NPSR1: variants seen among roughly 807,000 people sequenced by gnomAD.
NPSR1 encodes the protein neuropeptide S receptor 1, also known as neuropeptide S receptor.
NPSR1 carries 48 observed loss-of-function variants against 46.9 expected under a neutral mutation model. That is an observed-to-expected ratio of 1.02 (90% CI 0.81 to 1.30). The LOEUF (loss-of-function observed/expected upper bound fraction) is 1.30, where lower values mean the gene tolerates loss of function less well. Among genes scored for constraint, NPSR1 ranks in the 50% most tolerant of loss-of-function variants. NPSR1 has a pLI of 0.00. For missense variants in NPSR1, 450 were observed against 449.5 expected, an observed-to-expected ratio of 1.00 and a Z score of -0.01; for synonymous variants, 176 against 168.1, an observed-to-expected ratio of 1.05 and a Z score of -0.36.
chr7:34,872,090 C>A (rs925891050), intron 8 of NPSR1, among the ~76,000 whole-genome samples: 1 of 151,980 alleles, frequency 6.6e-6, no homozygotes, highest in African/African-American at 2.4e-5. Context: ...GGGCACCAAG[C>A]TCTTCCATAA....
rs189676025 is a variant in NPSR1 at position 34,848,561 on chromosome 7, G to A, written c.923G>A (p.Arg308His). 5.0e-5 allele frequency: 80 copies of A among 1,614,128 alleles called. No homozygotes were observed. Among genetic ancestry groups the A allele is most frequent in the East Asian group, 3.8e-4 (17 of 44,886 alleles). Residue 308 changes from arginine to histidine, a missense_variant, in exon 8 of 9, where the codon CGT becomes CAT. Physicochemically the swap from Arg to His is conservative, Grantham distance 29. Transcript: ENST00000360581. ...AACCTCCTTCCAGACACCCAGGAGC[G>A]TTTCTATGCCTCTGTGATCATTCAG... ...NFNLLPDTQE[R>H]FYASVIIQNL...
chr7:34,795,479 C>T (rs1456552523), intron 3 of NPSR1, among the ~76,000 whole-genome samples: 1 of 152,006 alleles, frequency 6.6e-6, no homozygotes, highest in Non-Finnish European at 1.5e-5. Context: ...TAAAATGTTG[C>T]AGGTGACATG....
At chr7:34,681,159 G>T (rs1562647463) in intron 1 of NPSR1, among the ~76,000 whole-genome samples, 1 of 152,044 alleles carries the variant, frequency 6.6e-6, no homozygotes, top group African/African-American at 2.4e-5. Flanking sequence ...GTTCTGCCCT[G>T]CCTCCATCCC....
At chr7:34,728,457 T>C (rs1452326735) in intron 2 of NPSR1, among the ~76,000 whole-genome samples, 1 of 152,172 alleles carries the variant, frequency 6.6e-6, no homozygotes, top group African/African-American at 2.4e-5. Context: ...AGGCGTGCAG[T>C]GCCTCATCCC....
chr7:34,845,673 A>C lies in NPSR1; in HGVS notation c.844+691A>C, dbSNP rs556837835. ...TTCTACCTCACACTACAGGATATAGATTGATTTTCTTATAGTCTGTCTCCC... is the reference window on the plus strand; with the variant it reads ...TTCTACCTCACACTACAGGATATAGCTTGATTTTCTTATAGTCTGTCTCCC... On this transcript the variant is annotated intron_variant, in intron 7 of 8. Transcript: ENST00000360581. 44 of 439,362 alleles carry C rather than the reference A, an allele frequency of 1.0e-4. 1 individual carries two copies. The highest frequency in any genetic ancestry group is 6.9e-4 in the South Asian group (42 of 61,118). The allele number at this position is 439,362 out of a possible 1,614,324, so 27.2% of individuals were successfully genotyped here.
chr7:34,805,489 A>AAAC (rs1207259124), intron 3 of NPSR1, among the ~76,000 whole-genome samples: 1 of 151,264 alleles, frequency 6.6e-6, no homozygotes, highest in African/African-American at 2.4e-5. Context: ...CAAAAAAAAA[A>AAAC]AAAAAAAAAA....
chr7:34,773,033 C>T (rs1026885794), intron 2 of NPSR1, among the ~76,000 whole-genome samples: 2 of 152,052 alleles, frequency 1.3e-5, no homozygotes, highest in African/African-American at 2.4e-5. Flanking sequence ...TGACCAGGAC[C>T]TCCAAGTTGA....
intron 2 of NPSR1, among the ~76,000 whole-genome samples, chr7:34,694,184 C>G (rs2128691568): frequency 6.6e-6 from 1 of 152,052 alleles, no homozygotes; most frequent in South Asian, 2.1e-4. Context: ...GAAAGGAATC[C>G]ACACTAGAAA....
intron 5 of NPSR1, chr7:34,834,182 A>C (rs1790259197): frequency 1.7e-6 from 1 of 579,318 alleles, no homozygotes; most frequent in Non-Finnish European, 3.1e-6. Context: ...CTCCTCACTT[A>C]AGAAAGAAGT....
At chr7:34,850,165 G>T (rs1048233118), downstream of NPSR1, among the ~76,000 whole-genome samples, 2 of 152,328 alleles carry the variant, frequency 1.3e-5, no homozygotes, top group East Asian at 1.9e-4. Flanking sequence ...TTGGTGCTTT[G>T]CACCTCTTCT....
chr7:34,838,134 TC>T (rs1790438154), intron 6 of NPSR1, among the ~76,000 whole-genome samples: 1 of 151,894 alleles, frequency 6.6e-6, no homozygotes, highest in Non-Finnish European at 1.5e-5. Flanking sequence ...TCAGCATGCC[TC>T]CCCCCAGGGA....
At chr7:34,875,890 C>T (rs1791563784) in intron 8 of NPSR1, among the ~76,000 whole-genome samples, 1 of 152,118 alleles carries the variant, frequency 6.6e-6, no homozygotes, top group African/African-American at 2.4e-5. Flanking sequence ...CCATGCTTAG[C>T]CCAGTCCTGA....
At chr7:34,877,677 A>G (rs1370775916) in intron 8 of NPSR1, among the ~76,000 whole-genome samples, 1 of 152,198 alleles carries the variant, frequency 6.6e-6, no homozygotes, top group African/African-American at 2.4e-5. Flanking sequence ...GATATGGAAG[A>G]ACATGTTGGT....
rs547044146 is a variant in NPSR1 at position 34,732,511 on chromosome 7, T to C, written c.281-45951T>C. 2.5e-3 allele frequency among the ~76,000 whole-genome samples: 388 copies of C among 152,236 alleles called. 1 individual carries two copies. The highest frequency in any genetic ancestry group is 3.6e-3 in the Non-Finnish European group (244 of 67,996). On this transcript the variant is annotated intron_variant, in intron 2 of 8. Coordinates refer to ENST00000360581, the MANE Select transcript of NPSR1 (RefSeq NM_207172.2). The stretch of plus-strand genomic sequence containing the variant: ...CTTAGGAAAGCCACCCACTGCCAGC[T>C]TAAGATTCAGGGGAAGTTGAGATCA...
At chr7:34,780,457 G>A (rs916318052) in intron 3 of NPSR1, among the ~76,000 whole-genome samples, 1 of 152,158 alleles carries the variant, frequency 6.6e-6, no homozygotes, top group East Asian at 1.9e-4. Flanking sequence ...GATAGAGAAA[G>A]AAATTCTGAT....
rs149663215 is a variant in NPSR1 at position 34,658,465 on chromosome 7, C to T, written c.53C>T (p.Thr18Met). Residue 18 changes from threonine to methionine, a missense_variant, in exon 1 of 9, where the codon ACG (threonine) becomes ATG (methionine). Transcript: ENST00000360581. ...TTCGATTCCAGTGGGACCGGGCAGACGCTGGATTCTTCCCCAGTGGCTTGC... is the reference window on the plus strand; with the variant it reads ...TTCGATTCCAGTGGGACCGGGCAGATGCTGGATTCTTCCCCAGTGGCTTGC... ...GSFDSSGTGQ[T>M]LDSSPVACTE... The T allele has an allele frequency of 9.2e-5, 149 of 1,614,110 alleles. 1 individual carries two copies. Among genetic ancestry groups the T allele is most frequent in the African/African-American group, 3.3e-4 (25 of 75,038 alleles).
intron 3 of NPSR1, among the ~76,000 whole-genome samples, chr7:34,795,317 T>G (rs1788124531): frequency 6.6e-6 from 1 of 152,150 alleles, no homozygotes; most frequent in Non-Finnish European, 1.5e-5. Flanking sequence ...GACATCTTAT[T>G]TAATAGTGAG....
In NPSR1 at chr7:34,863,516, A is replaced by T. The variant is rs942984387; in HGVS notation, c.1026-14560A>T. Among the ~76,000 whole-genome samples the T allele has an allele frequency of 1.2e-4, 18 of 151,874 alleles. 1 individual carries two copies. Among genetic ancestry groups the T allele is most frequent in the African/African-American group, 4.4e-4 (18 of 41,118 alleles). On this transcript the variant is annotated intron_variant, in intron 8 of 8. Coordinates refer to the NPSR1 transcript ENST00000359791. The stretch of plus-strand genomic sequence containing the variant: ...GGCTAATATCCAGAATCTACAAAGA[A>T]CTTAAACAAACTTACAAGAAAAAAC...
intron 2 of NPSR1, among the ~76,000 whole-genome samples, chr7:34,701,219 T>C (rs1793812643): frequency 2.6e-5 from 4 of 152,224 alleles, no homozygotes; most frequent in Admixed American, 2.6e-4. Flanking sequence ...AGAGAGACTT[T>C]TTCGGAACTC....
Sources: allele counts gnomAD v4.1 joint callset (sites outside exome capture counted in the v4.1 genomes callset), GRCh38; gene constraint gnomAD v4.1.1; transcripts MANE v1.5; gene names NCBI Gene and HGNC (gene_info 2026-07-23, HGNC 2026-07-21).